The following OPLAH variants were observed in gnomAD, a reference collection of about 807,000 sequenced individuals.
OPLAH encodes the protein 5-oxoprolinase.
Under a neutral mutation model 122.8 loss-of-function variants are expected in OPLAH, and 103 were observed. The ratio of observed to expected loss-of-function variants is 0.84; its 90% CI spans 0.71 to 0.99. OPLAH has a LOEUF of 0.99. Ranked by LOEUF, OPLAH falls within the 50% of genes least tolerant of loss-of-function variation. The pLI, the probability that OPLAH is intolerant of heterozygous loss-of-function variation, is 0.00. For synonymous variants in OPLAH, 875 were observed against 796.0 expected, an observed-to-expected ratio of 1.10 and a Z score of -1.67; for missense variants, 1,902 against 1,836.5, an observed-to-expected ratio of 1.04 and a Z score of -0.65.
intron 24 of OPLAH, 34 bp downstream of exon 24, chr8:144,052,135 G>C: frequency 1.3e-6 from 2 of 1,549,392 alleles, no homozygotes; most frequent in Non-Finnish European, 1.7e-6. Flanking sequence ...GCTCCCACCC[G>C]GCCGTGCCCC....
chr8:144,063,537 G>A (rs376465511), upstream of OPLAH, among the ~76,000 whole-genome samples: 39 of 152,246 alleles, frequency 2.6e-4, 3 homozygotes, highest in African/African-American at 4.1e-4. This position sits in a 1 kb window ranked among gnomAD's most constrained non-coding sequence, Gnocchi z 4.2. Context: ...CAGCTCCCTC[G>A]CCCGCTCAGG....
At position 144,051,386 on chromosome 8, in the gene OPLAH, T is replaced by C; in HGVS notation, c.3807A>G (p.Ala1269=). 3 of 1,599,790 alleles carry C rather than the reference T, an allele frequency of 1.9e-6. No individual in the cohort carries two copies. The highest frequency in any genetic ancestry group is 3.4e-4 in the Middle Eastern group (2 of 5,968). ...CGCTGCCGTGCTCGGGAAAGGCCAG[T>C]GCTTGCGGGGGCGACCCCGGCGGTG... ...PAPPPGSPPQ[A]LAFPEHGSVY... Residue 1269 remains alanine (A), a synonymous_variant, in exon 27 of 27, where the codon GCA becomes GCG. Coordinates refer to ENST00000618853, the MANE Select transcript of OPLAH (RefSeq NM_017570.5).
chr8:144,056,043 A>G (rs1021425397), intron 15 of OPLAH, 104 bp from the exon 16 acceptor site: 1 of 1,506,226 alleles, frequency 6.6e-7, no homozygotes, highest in African/African-American at 1.4e-5. Flanking sequence ...ATGGTGGGAT[A>G]CAGAGTCCTG....
chr8:144,061,556 G>A (rs1170957208), upstream of OPLAH, among the ~76,000 whole-genome samples: 1 of 152,060 alleles, frequency 6.6e-6, no homozygotes, highest in Non-Finnish European at 1.5e-5. Flanking sequence ...GATAAAACAG[G>A]TTGCAGTAAA....
At chr8:144,051,065 G>A, downstream of OPLAH, 3 of 1,319,058 alleles carry the variant, frequency 2.3e-6, no homozygotes, top group Non-Finnish European at 2.9e-6. Context: ...TTCCCGGGTG[G>A]CTGGGCCTGC....
upstream of OPLAH, among the ~76,000 whole-genome samples, chr8:144,063,098 C>G (rs1835689401): frequency 1.3e-5 from 2 of 152,174 alleles, no homozygotes; most frequent in Non-Finnish European, 2.9e-5. This position sits in a 1 kb window ranked among gnomAD's most constrained non-coding sequence, Gnocchi z 4.2. Context: ...CCCTCCACAG[C>G]AACCAGAGGC....
chr8:144,052,751 C>G lies in OPLAH; in HGVS notation c.3153+15G>C, dbSNP rs1554758003. 6.4e-7 allele frequency: 1 copy of G among 1,562,792 alleles called. No homozygotes were observed. The highest frequency in any genetic ancestry group is 2.4e-5 in the East Asian group (1 of 41,556). On this transcript the variant is annotated intron_variant, in intron 22 of 26. Coordinates refer to ENST00000618853, the MANE Select transcript of OPLAH (RefSeq NM_017570.5). ...TCGGGCTGGGGCCCCCCCTCGCGCACACACCCCTGCGAACCTGGTTGAGTG... is the reference window on the plus strand; with the variant it reads ...TCGGGCTGGGGCCCCCCCTCGCGCAGACACCCCTGCGAACCTGGTTGAGTG...
In OPLAH at chr8:144,054,578, C is replaced by A; in HGVS notation, c.2669G>T (p.Gly890Val). 6.3e-7 allele frequency: 1 copy of A among 1,590,890 alleles called. No individual in the cohort carries two copies. Among genetic ancestry groups the A allele is most frequent in the Non-Finnish European group, 8.6e-7 (1 of 1,163,358 alleles). ...VFLSFKLVQG[G>V]VFQEEAVTEA... The stretch of plus-strand genomic sequence containing the variant: ...CCACTCACCCTCCTCCTGGAAGACG[C>A]CCCCCTGGACAAGTTTGAAGGACAG... The change falls in exon 19 of 27, where the codon GGC becomes GTC. Residue 890 changes from glycine (G) to valine (V), a missense_variant. Around this residue, in one of 3 missense-constraint regions of OPLAH, gnomAD observed 1,726 missense variants for 1,642.1 expected, o/e 1.05. Coordinates refer to ENST00000618853, the MANE Select transcript of OPLAH (RefSeq NM_017570.5).
In OPLAH at chr8:144,054,969, G is replaced by A. The variant is rs1835473835; in HGVS notation, c.2410-56C>T. ...ACAGGGGAGCAGGGGCCAGAGCGGG[G>A]TGGGGGGGGGGTGGAGGGTGAGGGA... On this transcript the variant is annotated intron_variant, in intron 17 of 26. Coordinates refer to ENST00000618853, the MANE Select transcript of OPLAH (RefSeq NM_017570.5). 4 of 1,179,794 alleles carry A rather than the reference G, an allele frequency of 3.4e-6. No individual in the cohort carries two copies. In the East Asian group the frequency reaches 9.1e-5, roughly 27 times the overall value. The allele number at this position is 1,179,794 out of a possible 1,614,324, so 73.1% of individuals were successfully genotyped here. A position where few individuals can be genotyped will look rare whatever the true frequency, so the allele number is the denominator to read the frequency against.
intron 14 of OPLAH, 46 bp downstream of exon 14, chr8:144,056,339 G>A (rs1462460557): frequency 1.9e-5 from 31 of 1,593,132 alleles, no homozygotes; most frequent in Non-Finnish European, 2.5e-5. Context: ...TCCCCATCCC[G>A]GTGCCCCATG....
At chr8:144,053,496 G>C (rs567083656) in intron 19 of OPLAH, 103 bp from the exon 20 acceptor site, 2 of 1,187,362 alleles carry the variant, frequency 1.7e-6, no homozygotes, top group Non-Finnish European at 2.4e-6. Context: ...AGAAAGCACC[G>C]AGGCCTGGCC....
rs1554760573 is a variant in OPLAH at position 144,060,049 on chromosome 8, T to A, written c.-17A>T. 1 of 1,607,398 alleles carries A rather than the reference T, an allele frequency of 6.2e-7. No individual in the cohort carries two copies. Among genetic ancestry groups the A allele is most frequent in the South Asian group, 1.1e-5 (1 of 90,624 alleles). On this transcript the variant is annotated 5_prime_UTR_variant, in exon 2 of 27. Coordinates refer to ENST00000618853, the MANE Select transcript of OPLAH (RefSeq NM_017570.5). Reference sequence around the variant, plus strand: ...GCTGCCCATGGTGGTGGGGCTGGAGTCCCACAGGAGCTCTTCAGCTGGTAG... The same window carrying A: ...GCTGCCCATGGTGGTGGGGCTGGAGACCCACAGGAGCTCTTCAGCTGGTAG...
chr8:144,051,402 C>A lies in OPLAH; in HGVS notation c.3791G>T (p.Gly1264Val). The A allele has an allele frequency of 6.3e-7, 1 of 1,597,498 alleles. No homozygotes were observed. Among genetic ancestry groups the A allele is most frequent in the Non-Finnish European group, 8.5e-7 (1 of 1,173,858 alleles). Residue 1264 changes from glycine (G) to valine (V), a missense_variant, in exon 27 of 27, where the codon GGG (glycine) becomes GTG (valine). Physicochemically the swap from Gly to Val is moderately radical, Grantham distance 109 (BLOSUM62 -3). Transcript: ENST00000618853. Reference protein sequence around the residue: ...GDPEDPAPPPGSPPQALAFPE... With the variant: ...GDPEDPAPPPVSPPQALAFPE... ...AAAGGCCAGTGCTTGCGGGGGCGAC[C>A]CCGGCGGTGGGGCGGGGTCCTCCGG...
chr8:144,059,539 C>G (rs1835615815), intron 3 of OPLAH, 60 bp downstream of exon 3: 2 of 1,508,714 alleles, frequency 1.3e-6, no homozygotes, highest in Admixed American at 3.9e-5. Flanking sequence ...CCCACAGGGT[C>G]AAGGCATCCC....
In OPLAH at chr8:144,053,075, G is replaced by C; in HGVS notation, c.2926C>G (p.Gln976Glu). The C allele has an allele frequency of 3.1e-6, 5 of 1,603,010 alleles. No individual in the cohort carries two copies. Among genetic ancestry groups the C allele is most frequent in the Non-Finnish European group, 4.3e-6 (5 of 1,175,730 alleles). ...DMLRAFGTSR[Q>E]ARGLPLEVSS... Reference sequence around the variant, plus strand: ...ACCTCCAGGGGCAGGCCCCGGGCCTGCCGGGAGGTTCCAAAGGCACGCAAC... The same window carrying C: ...ACCTCCAGGGGCAGGCCCCGGGCCTCCCGGGAGGTTCCAAAGGCACGCAAC... The change falls in exon 21 of 27, where the codon CAG becomes GAG. Residue 976 changes from glutamine to glutamate, a missense_variant. Transcript: ENST00000618853.
Position 144,059,881 on chromosome 8 carries a change from A to C in OPLAH, c.152T>G (p.Ile51Ser). 1 of 1,612,734 alleles carries C rather than the reference A, an allele frequency of 6.2e-7. No individual in the cohort carries two copies. The highest frequency in any genetic ancestry group is 1.1e-5 in the South Asian group (1 of 91,084). Reference protein sequence around the residue: ...ANYADAPTEGIRRILEQEAGM... With the variant: ...ANYADAPTEGSRRILEQEAGM... Reference sequence around the variant, plus strand: ...GCCCACCTGCTCCAGGATGCGGCGGATGCCTTCGGTTGGCGCGTCCGCATA... The same window carrying C: ...GCCCACCTGCTCCAGGATGCGGCGGCTGCCTTCGGTTGGCGCGTCCGCATA... The change falls in exon 2 of 27, where the codon ATC (isoleucine) becomes AGC (serine). Residue 51 changes from isoleucine (I) to serine (S), a missense_variant. By Grantham distance (142) the Ile-to-Ser change is moderately radical. Around this residue, in one of 3 missense-constraint regions of OPLAH, gnomAD observed 168 missense variants for 170.6 expected, o/e 0.98. Transcript: ENST00000618853.
chr8:144,052,940 C>A (rs782146579), intron 21 of OPLAH, 40 bp from the exon 22 acceptor site: 5 of 1,572,218 alleles, frequency 3.2e-6, no homozygotes, highest in Non-Finnish European at 4.3e-6. Flanking sequence ...TCAGCGGCCG[C>A]ACCGTGCCCC....
rs562417499 is a variant in OPLAH, at chr8:144,052,911, C to G, written c.3019-11G>C. 1.3e-6 allele frequency: 2 copies of G among 1,560,494 alleles called. No individual in the cohort carries two copies. Among genetic ancestry groups the G allele is most frequent in the Middle Eastern group, 1.7e-4 (1 of 6,002 alleles). On this transcript the variant is annotated splice_polypyrimidine_tract_variant and intron_variant, in intron 21 of 26. Coordinates refer to ENST00000618853, the MANE Select transcript of OPLAH (RefSeq NM_017570.5). ...AAACACGGCGCTGCCCTGCGCGCCCCGAGGGAAGGGAGAGGCTGTCAGCGG... is the reference window on the plus strand; with the variant it reads ...AAACACGGCGCTGCCCTGCGCGCCCGGAGGGAAGGGAGAGGCTGTCAGCGG...
At chr8:144,062,585 T>C (rs113507105), upstream of OPLAH, among the ~76,000 whole-genome samples, 898 of 152,102 alleles carry the variant, frequency 5.9e-3, 7 homozygotes, top group South Asian at 0.03. Flanking sequence ...CCTTCTGGTT[T>C]CCACCCATCC....
Sources: gnomAD v4.1 joint callset for allele counts (sites outside exome capture counted in the v4.1 genomes callset) on GRCh38, gnomAD v4.1.1 for gene constraint, gnomAD v4.1.1 regional missense constraint, Gnocchi (gnomAD v3.1) non-coding constraint, MANE v1.5 for transcripts, NCBI Gene and HGNC (gene_info 2026-07-23, HGNC 2026-07-21) for gene names.